The following VMP1 variants were observed in gnomAD, a reference collection of about 807,000 sequenced individuals.
VMP1 encodes the protein vacuole membrane protein 1, also known as ectopic P-granules autophagy protein 3 homolog.
VMP1 carries 11 observed loss-of-function variants against 56.0 expected under a neutral mutation model. That is an observed-to-expected ratio of 0.20 (90% CI 0.12 to 0.32). VMP1 has a LOEUF of 0.32. Ranked by LOEUF, VMP1 falls within the 10% of genes least tolerant of loss-of-function variation. The pLI is 1.00. For missense variants in VMP1, 296 were observed against 490.3 expected, an observed-to-expected ratio of 0.60 and a Z score of 3.74; for synonymous variants, 149 against 165.0, an observed-to-expected ratio of 0.90 and a Z score of 0.74.
intron 5 of VMP1, among the ~76,000 whole-genome samples, chr17:59,745,992 A>G (rs1391005887): frequency 6.6e-6 from 1 of 152,210 alleles, no homozygotes; most frequent in Non-Finnish European, 1.5e-5. Flanking sequence ...TTTAGAATGA[A>G]TGATTCCTAG....
intron 5 of VMP1, among the ~76,000 whole-genome samples, chr17:59,749,320 T>C (rs2035554999): frequency 6.6e-6 from 1 of 151,854 alleles, no homozygotes; most frequent in Non-Finnish European, 1.5e-5. Flanking sequence ...GTATATATGT[T>C]TAAAGAGAGT....
At chr17:59,817,942 G>A (rs1193462497) in intron 10 of VMP1, among the ~76,000 whole-genome samples, 169 bp downstream of exon 10, 1 of 152,014 alleles carries the variant, frequency 6.6e-6, no homozygotes, top group African/African-American at 2.4e-5. Flanking sequence ...TTCTATAGTA[G>A]GGAAAGATAA....
intron 1 of VMP1, among the ~76,000 whole-genome samples, chr17:59,709,002 A>C (rs2143675684): frequency 6.6e-6 from 1 of 152,322 alleles, no homozygotes; most frequent in African/African-American, 2.4e-5. Flanking sequence ...ACAATTGATT[A>C]ATACAGTTTA....
At chr17:59,791,862 T>A (rs1368095805) in intron 7 of VMP1, among the ~76,000 whole-genome samples, 1 of 152,200 alleles carries the variant, frequency 6.6e-6, no homozygotes, top group Non-Finnish European at 1.5e-5. Context: ...GTGTGCAAAA[T>A]CTTTCAGTTT....
At chr17:59,731,701 G>A (rs1485993755) in intron 2 of VMP1, among the ~76,000 whole-genome samples, 179 bp downstream of exon 2, 1 of 152,132 alleles carries the variant, frequency 6.6e-6, no homozygotes, top group Non-Finnish European at 1.5e-5. Flanking sequence ...GGCAGAAGGA[G>A]CCTGGCCACA....
chr17:59,751,914 A>C (rs2035666718), intron 5 of VMP1, among the ~76,000 whole-genome samples: 1 of 151,958 alleles, frequency 6.6e-6, no homozygotes, highest in Non-Finnish European at 1.5e-5. Context: ...TCCTGGGCTC[A>C]AGAGATCTTC....
At chr17:59,720,675 T>G (rs2034354676) in intron 1 of VMP1, among the ~76,000 whole-genome samples, 3 of 152,174 alleles carry the variant, frequency 2.0e-5, no homozygotes, top group South Asian at 4.1e-4. Context: ...GTAGTGCACT[T>G]ATATATTATT....
At chr17:59,755,998 A>G (rs2035828833) in intron 5 of VMP1, among the ~76,000 whole-genome samples, 1 of 152,010 alleles carries the variant, frequency 6.6e-6, no homozygotes, top group Non-Finnish European at 1.5e-5. Context: ...CGGCCTCTCA[A>G]AGTGTTAGGA....
At chr17:59,722,585 A>G (rs2034442892) in intron 1 of VMP1, among the ~76,000 whole-genome samples, 1 of 152,190 alleles carries the variant, frequency 6.6e-6, no homozygotes, top group Admixed American at 6.5e-5. Flanking sequence ...TTATGCCCAT[A>G]ACCCCAACAC....
intron 10 of VMP1, among the ~76,000 whole-genome samples, chr17:59,832,347 T>TA (rs1325792590): frequency 4.0e-5 from 6 of 151,680 alleles, no homozygotes; most frequent in African/African-American, 1.2e-4. Context: ...ATATTTTTAG[T>TA]AGAGACAGGA....
chr17:59,822,138 G>A (rs180727490), intron 10 of VMP1, among the ~76,000 whole-genome samples: 10 of 151,922 alleles, frequency 6.6e-5, no homozygotes, highest in African/African-American at 1.4e-4. Flanking sequence ...CACTGTGCCC[G>A]GCCATTCTTT....
chr17:59,821,470 A>C (rs1177849724), intron 10 of VMP1, among the ~76,000 whole-genome samples: 1 of 151,464 alleles, frequency 6.6e-6, no homozygotes, highest in East Asian at 1.9e-4. Flanking sequence ...TAGGAGACAG[A>C]TGTTGGAATG....
At chr17:59,737,608 A>G (rs776758308) in intron 4 of VMP1, 65 bp downstream of exon 4, 53 of 1,371,860 alleles carry the variant, frequency 3.9e-5, no homozygotes, top group Admixed American at 6.5e-5. Context: ...CTCAGTTTCA[A>G]ATGGGATGAA....
In VMP1 at chr17:59,841,610, T is replaced by C. The variant is rs2039159035; in HGVS notation, c.*1699T>C. On this transcript the variant is annotated 3_prime_UTR_variant, in exon 12 of 12. Transcript: ENST00000262291. ...TCTTTTTTTCAGGGACTTTTCTAGC[T>C]GTATGACTGTTACTTGACCTTCTTT... The C allele has an allele frequency of 5.9e-6, 1 of 169,404 alleles. No individual in the cohort carries two copies. Among genetic ancestry groups the C allele is most frequent in the African/African-American group, 2.4e-5 (1 of 42,134 alleles). The allele number at this position is 169,404 out of a possible 1,614,324, so 10.5% of individuals were successfully genotyped here.
At chr17:59,772,258 T>G (rs1173367609) in intron 6 of VMP1, among the ~76,000 whole-genome samples, 1 of 151,728 alleles carries the variant, frequency 6.6e-6, no homozygotes, top group Non-Finnish European at 1.5e-5. Flanking sequence ...CCCAAAGTGC[T>G]GGGATTCCAG....
Position 59,766,144 on chromosome 17 carries a change from C to T in VMP1, c.582+1006C>T, listed in dbSNP as rs547362200. ...AGGCTGGAGTGCAATGGCGCCATCT[C>T]GGCTCATTGCAGCTTCAACCTCCTG... On this transcript the variant is annotated intron_variant, in intron 6 of 11. Coordinates refer to ENST00000262291, the MANE Select transcript of VMP1 (RefSeq NM_030938.5). Among the ~76,000 whole-genome samples, 161 of 152,112 alleles carry T rather than the reference C, an allele frequency of 1.1e-3. 1 individual carries two copies. In the Middle Eastern group the frequency reaches 0.014, roughly 13 times the overall value.
chr17:59,749,130 T>TG (rs2035546477), intron 5 of VMP1, among the ~76,000 whole-genome samples: 2 of 150,962 alleles, frequency 1.3e-5, no homozygotes, highest in South Asian at 4.2e-4. Flanking sequence ...TTTTTTTTTT[T>TG]GTATTTTTAT....
intron 6 of VMP1, among the ~76,000 whole-genome samples, chr17:59,771,953 C>G (rs949602124): frequency 6.6e-6 from 1 of 151,996 alleles, no homozygotes; most frequent in African/African-American, 2.4e-5. Flanking sequence ...CTCCTGCCTT[C>G]TCTGTCTGTT....
At chr17:59,801,723 C>T (rs909000615) in intron 7 of VMP1, among the ~76,000 whole-genome samples, 1 of 151,970 alleles carries the variant, frequency 6.6e-6, no homozygotes, top group Non-Finnish European at 1.5e-5. Context: ...GGTGAAACCC[C>T]ATCTCTACTA....
Sources: allele counts gnomAD v4.1 joint callset (sites outside exome capture counted in the v4.1 genomes callset), GRCh38; gene constraint gnomAD v4.1.1; transcripts MANE v1.5; gene names NCBI Gene and HGNC (gene_info 2026-07-23, HGNC 2026-07-21).